Variants in FARP1 observed in about 807,000 individuals in gnomAD.
The protein encoded by FARP1 is FERM, ARH/RhoGEF and pleckstrin domain protein 1.
A neutral mutation model predicts 128.8 loss-of-function variants in FARP1; 52 were observed. The observed-to-expected ratio is 0.40, with a 90% confidence interval of 0.32 to 0.51. The LOEUF (loss-of-function observed/expected upper bound fraction) is 0.51. Ranked by LOEUF, FARP1 falls within the 20% of genes least tolerant of loss-of-function variation. The pLI is 0.45. For synonymous variants in FARP1, 580 were observed against 551.8 expected (o/e 1.05, Z -0.72); for missense variants, 1,333 against 1,367.9 (o/e 0.97, Z 0.40).
intron 2 of FARP1, among the ~76,000 whole-genome samples, chr13:98,321,244 C>T (rs202162172): frequency 7.9e-5 from 12 of 151,978 alleles, no homozygotes; most frequent in Admixed American, 1.3e-4. Context: ...CCCCTGTGAC[C>T]GAAACTGAGG....
chr13:98,244,648 A>T, intron 2 of FARP1: 1 of 1,614,232 alleles, frequency 6.2e-7, no homozygotes, highest in Non-Finnish European at 8.5e-7. Context: ...TCTTACACAA[A>T]CTGGGCTGGA....
intron 2 of FARP1, among the ~76,000 whole-genome samples, chr13:98,265,464 C>A (rs1287580000): frequency 1.3e-5 from 2 of 150,030 alleles, no homozygotes; most frequent in African/African-American, 4.9e-5. Flanking sequence ...GGACTACAGG[C>A]GCCCGCCACT....
intron 1 of FARP1, among the ~76,000 whole-genome samples, chr13:98,207,632 G>C (rs934348325): frequency 2.0e-5 from 3 of 151,072 alleles, no homozygotes; most frequent in Non-Finnish European, 4.4e-5. Flanking sequence ...GTGAATTACC[G>C]TGCACAGGGC....
intron 2 of FARP1, among the ~76,000 whole-genome samples, chr13:98,265,413 G>T (rs1417326457): frequency 7.0e-6 from 1 of 142,332 alleles, no homozygotes; most frequent in South Asian, 2.4e-4. Flanking sequence ...TCCGCCTCCC[G>T]GGTTCACGCC....
chr13:98,424,889 T>TTG (rs59970212), intron 17 of FARP1, among the ~76,000 whole-genome samples: 4 of 120,168 alleles, frequency 3.3e-5, no homozygotes, highest in African/African-American at 1.3e-4. Flanking sequence ...TTGGTGATTT[T>TTG]GGGGTTTTTT....
chr13:98,147,899 A>G (rs539012047), intron 1 of FARP1, among the ~76,000 whole-genome samples: 1 of 152,060 alleles, frequency 6.6e-6, no homozygotes, highest in South Asian at 2.1e-4. Flanking sequence ...TGTTGAATGA[A>G]TAATAAATCC....
chr13:98,207,793 A>G (rs528760229), intron 1 of FARP1, among the ~76,000 whole-genome samples: 1 of 152,098 alleles, frequency 6.6e-6, no homozygotes, highest in Admixed American at 6.5e-5. Context: ...ATTTTTAACC[A>G]TGAGACAGTG....
intron 1 of FARP1, among the ~76,000 whole-genome samples, chr13:98,161,902 C>CT (rs1876915127): frequency 6.6e-6 from 1 of 152,110 alleles, no homozygotes; most frequent in Non-Finnish European, 1.5e-5. Flanking sequence ...ACCTCAGCCT[C>CT]TTAAGTAGCT....
chr13:98,407,046 A>G (rs527775608), intron 13 of FARP1: 1 of 152,758 alleles, frequency 6.5e-6, no homozygotes, highest in Admixed American at 6.5e-5. Flanking sequence ...TAGCCTTCTA[A>G]CTACCTTTTA....
chr13:98,330,677 C>T (rs937222551), intron 2 of FARP1, among the ~76,000 whole-genome samples: 1 of 152,024 alleles, frequency 6.6e-6, no homozygotes, highest in African/African-American at 2.4e-5. Flanking sequence ...ATCACTTGAA[C>T]CTGGGAGGCG....
intron 2 of FARP1, among the ~76,000 whole-genome samples, chr13:98,330,754 C>CAAA (rs58106642): frequency 5.1e-4 from 75 of 147,202 alleles, no homozygotes; most frequent in African/African-American, 1.8e-3. Flanking sequence ...GACTCCATCT[C>CAAA]AAAAAAAAAA....
intron 2 of FARP1, among the ~76,000 whole-genome samples, chr13:98,258,433 C>T (rs1165204599): frequency 6.6e-6 from 1 of 152,102 alleles, no homozygotes; most frequent in African/African-American, 2.4e-5. Flanking sequence ...TCAAAATGTC[C>T]TGGTAATACA....
intron 1 of FARP1, among the ~76,000 whole-genome samples, chr13:98,180,644 A>T (rs1445511072): frequency 1.3e-5 from 2 of 152,058 alleles, no homozygotes; most frequent in Non-Finnish European, 2.9e-5. Flanking sequence ...TTTTCAGCTC[A>T]CTTTATTTCT....
intron 2 of FARP1, among the ~76,000 whole-genome samples, chr13:98,283,242 G>A (rs560903674): frequency 6.6e-6 from 1 of 152,228 alleles, no homozygotes; most frequent in Admixed American, 6.5e-5. Flanking sequence ...AGGAAAATCA[G>A]GACATCTTCA....
chr13:98,197,944 T>C (rs1325275644), intron 1 of FARP1, among the ~76,000 whole-genome samples: 1 of 152,202 alleles, frequency 6.6e-6, no homozygotes, highest in Non-Finnish European at 1.5e-5. Flanking sequence ...CAAAAGTTAC[T>C]TATTAAATAA....
At chr13:98,244,558 C>G (rs1163230481) in intron 2 of FARP1, 3 of 1,614,162 alleles carry the variant, frequency 1.9e-6, no homozygotes, top group Non-Finnish European at 2.5e-6. Context: ...CTGAGATGCT[C>G]CATGAAGCCC....
Position 98,245,180 on chromosome 13 carries a change from C to A in FARP1, c.171+31767C>A, listed in dbSNP as rs1014803703. ...AGGGTTTAGTTTTTAAAAGGAGTACCTCATTTACCATATTACTGTGTTCTG... is the reference window on the plus strand; with the variant it reads ...AGGGTTTAGTTTTTAAAAGGAGTACATCATTTACCATATTACTGTGTTCTG... On this transcript the variant is annotated intron_variant, in intron 2 of 26. Transcript: ENST00000319562. The A allele has an allele frequency of 1.4e-4, 136 of 990,626 alleles. 1 individual carries two copies. In the African/African-American group the frequency reaches 2.2e-3, roughly 16 times the overall value. The allele number at this position is 990,626 out of a possible 1,614,324, so 61.4% of individuals were successfully genotyped here.
intron 2 of FARP1, among the ~76,000 whole-genome samples, chr13:98,265,090 A>AG (rs138119986): frequency 1.1e-3 from 174 of 152,240 alleles, no homozygotes; most frequent in African/African-American, 4.0e-3. Flanking sequence ...GGCCCACACT[A>AG]GTGCTCGTAA....
intron 1 of FARP1, among the ~76,000 whole-genome samples, chr13:98,166,169 CAG>C (rs771035959): frequency 2.6e-5 from 4 of 152,128 alleles, no homozygotes; most frequent in East Asian, 1.9e-4. Flanking sequence ...GGCATATAAA[CAG>C]AGGGTACCAT....
Sources: gnomAD v4.1 joint callset for allele counts (sites outside exome capture counted in the v4.1 genomes callset) on GRCh38, gnomAD v4.1.1 for gene constraint, MANE v1.5 for transcripts, NCBI Gene and HGNC (gene_info 2026-07-23, HGNC 2026-07-21) for gene names.